DKK4: variants seen among roughly 807,000 people sequenced by gnomAD.
DKK4 encodes dickkopf-related protein 4.
A neutral mutation model predicts 14.5 loss-of-function variants in DKK4; 15 were observed. The ratio of observed to expected loss-of-function variants is 1.03; its 90% CI spans 0.69 to 1.59. The LOEUF is 1.59. Ranked by LOEUF, DKK4 falls within the 40% of genes most tolerant of loss-of-function variation. The pLI is 0.00. For synonymous variants in DKK4, 89 were observed against 105.2 expected, an observed-to-expected ratio of 0.85 and a Z score of 0.94; for missense variants, 272 against 280.3, an observed-to-expected ratio of 0.97 and a Z score of 0.21.
In DKK4 at chr8:42,377,035, G is replaced by T; in HGVS notation, c.11C>A (p.Ala4Asp). 6.2e-7 allele frequency: 1 copy of T among 1,612,558 alleles called. No individual in the cohort carries two copies. Among genetic ancestry groups the T allele is most frequent in the Non-Finnish European group, 8.5e-7 (1 of 1,179,960 alleles). Residue 4 changes from alanine to aspartate, a missense_variant, in exon 1 of 4, where the codon GCC (alanine) becomes GAC (aspartate). Coordinates refer to ENST00000220812, the MANE Select transcript of DKK4 (RefSeq NM_014420.3). The stretch of plus-strand genomic sequence containing the variant: ...GAGCCAGCTCAGCCCCAGCAGGACG[G>T]CCGCCACCATCCTTCAATCCCGGGG... MVA[A>D]VLLGLSWLCS...
chr8:42,375,097 G>T (rs1367406433), intron 2 of DKK4, among the ~76,000 whole-genome samples, 184 bp from the exon 3 acceptor site: 1 of 152,214 alleles, frequency 6.6e-6, no homozygotes, highest in Non-Finnish European at 1.5e-5. Context: ...AAGTAGCTAA[G>T]TGGAAATTGC....
At chr8:42,375,917 G>C in intron 1 of DKK4, 87 bp from the exon 2 acceptor site, 1 of 1,513,728 alleles carries the variant, frequency 6.6e-7, no homozygotes, top group Non-Finnish European at 8.9e-7. Context: ...GGCGGAGGGA[G>C]CCAAAGGACA....
chr8:42,375,495 C>A (rs574750101), intron 2 of DKK4, among the ~76,000 whole-genome samples, 185 bp downstream of exon 2: 30 of 139,638 alleles, frequency 2.1e-4, no homozygotes, highest in African/African-American at 8.0e-4. Flanking sequence ...GAGCTGTGGA[C>A]AACAAGGGCG....
the DKK4 span, among the ~76,000 whole-genome samples, chr8:42,385,869 G>A: frequency 6.6e-6 from 1 of 152,176 alleles, no homozygotes; most frequent in East Asian, 1.9e-4. Context: ...GAAAATTGAA[G>A]TCAGATATCT....
chr8:42,377,340 TCAATAGTTCAAAA>T (rs1824584889), upstream of DKK4: 2 of 332,612 alleles, frequency 6.0e-6, no homozygotes, highest in Admixed American at 4.4e-5. Context: ...ATCTGTTTGA[TCAATAGTTCAAAA>T]CAAGGACTCA....
At chr8:42,376,810 A>C (rs1824572912) in intron 1 of DKK4, 125 bp downstream of exon 1, 3 of 774,268 alleles carry the variant, frequency 3.9e-6, no homozygotes, top group Non-Finnish European at 6.3e-6. Flanking sequence ...CAAATCCGAA[A>C]CCAATTCAAT....
intron 1 of DKK4, 23 bp downstream of exon 1, chr8:42,376,912 G>GC (rs756378890): frequency 2.5e-6 from 4 of 1,596,060 alleles, no homozygotes; most frequent in African/African-American, 1.3e-5. Flanking sequence ...CCCGTACCTC[G>GC]CCCCCCTCCC....
At chr8:42,387,139 G>A in the DKK4 span, among the ~76,000 whole-genome samples, 6 of 152,218 alleles carry the variant, frequency 3.9e-5, no homozygotes, top group African/African-American at 1.4e-4. Context: ...ATCCCTCAAA[G>A]GAAGGCATTG....
chr8:42,384,125 C>T, the DKK4 span, among the ~76,000 whole-genome samples: 2 of 152,050 alleles, frequency 1.3e-5, no homozygotes, highest in Non-Finnish European at 2.9e-5. Context: ...ATCTTTGGAT[C>T]TGAGTCCTAA....
the DKK4 span, among the ~76,000 whole-genome samples, chr8:42,384,318 T>C: frequency 2.0e-5 from 3 of 152,184 alleles, no homozygotes; most frequent in Admixed American, 2.0e-4. Context: ...AATTTTTGTA[T>C]TTTTTGTGGA....
the DKK4 span, among the ~76,000 whole-genome samples, chr8:42,390,293 T>A: frequency 6.7e-6 from 1 of 150,062 alleles, no homozygotes; most frequent in Non-Finnish European, 1.5e-5. Context: ...GTTTTGTTTG[T>A]TTGGTTTTTA....
At chr8:42,382,582 C>T in the DKK4 span, among the ~76,000 whole-genome samples, 1 of 152,198 alleles carries the variant, frequency 6.6e-6, no homozygotes, top group African/African-American at 2.4e-5. Flanking sequence ...CACCTGGAGC[C>T]GTGGCTGTCT....
chr8:42,386,488 G>C, the DKK4 span, among the ~76,000 whole-genome samples: 1 of 151,764 alleles, frequency 6.6e-6, no homozygotes, highest in African/African-American at 2.4e-5. Flanking sequence ...GGGTTCTTTT[G>C]GCTTTGCTTT....
chr8:42,384,352 A>G, the DKK4 span, among the ~76,000 whole-genome samples: 8 of 152,174 alleles, frequency 5.3e-5, no homozygotes, highest in African/African-American at 1.9e-4. Flanking sequence ...TATGTTGCCC[A>G]GGCTGGTCTT....
the DKK4 span, among the ~76,000 whole-genome samples, chr8:42,388,311 C>A: frequency 6.6e-6 from 1 of 152,070 alleles, no homozygotes; most frequent in Non-Finnish European, 1.5e-5. Flanking sequence ...CTCACTGCAA[C>A]CTCTACCTCC....
At chr8:42,378,583 A>G (rs901737449), upstream of DKK4, among the ~76,000 whole-genome samples, 8 of 152,262 alleles carry the variant, frequency 5.3e-5, no homozygotes, top group African/African-American at 1.9e-4. Flanking sequence ...TTCAAGTTGT[A>G]CAATTATGAC....
the DKK4 span, among the ~76,000 whole-genome samples, chr8:42,390,251 C>T: frequency 1.3e-5 from 2 of 152,030 alleles, no homozygotes; most frequent in African/African-American, 4.8e-5. Flanking sequence ...TCAAATTTCC[C>T]CGATTGTCCC....
chr8:42,376,962 G>T lies in DKK4; in HGVS notation c.84C>A (p.Ser28Arg). 6 of 1,613,772 alleles carry T rather than the reference G, an allele frequency of 3.7e-6. No homozygotes were observed. The highest frequency in any genetic ancestry group is 5.1e-6 in the Non-Finnish European group (6 of 1,179,994). Reference sequence around the variant, plus strand: ...TCCGGGCCCCATGCAGGTCAGCAGAGCTCCTGATGTTGTTGAAGTCCAGGA... The same window carrying T: ...TCCGGGCCCCATGCAGGTCAGCAGATCTCCTGATGTTGTTGAAGTCCAGGA... ...ALVLDFNNIR[S>R]SADLHGARKG... The change falls in exon 1 of 4, where the codon AGC (serine) becomes AGA (arginine). Residue 28 changes from serine to arginine, a missense_variant. Coordinates refer to ENST00000220812, the MANE Select transcript of DKK4 (RefSeq NM_014420.3).
At position 42,376,964 on chromosome 8, in the gene DKK4, T is replaced by C. The variant is rs1288791040; in HGVS notation, c.82A>G (p.Ser28Gly). 1.2e-6 allele frequency: 2 copies of C among 1,613,660 alleles called. No homozygotes were observed. The highest frequency in any genetic ancestry group is 2.2e-5 in the South Asian group (2 of 91,062). The change falls in exon 1 of 4, where the codon AGC becomes GGC. Residue 28 changes from serine (S) to glycine (G), a missense_variant. Ser to Gly is a moderately conservative substitution (Grantham distance 56, BLOSUM62 0). Coordinates refer to ENST00000220812, the MANE Select transcript of DKK4 (RefSeq NM_014420.3). ...ALVLDFNNIR[S>G]SADLHGARKG... The stretch of plus-strand genomic sequence containing the variant: ...CGGGCCCCATGCAGGTCAGCAGAGC[T>C]CCTGATGTTGTTGAAGTCCAGGACC...
Sources: allele counts gnomAD v4.1 joint callset (sites outside exome capture counted in the v4.1 genomes callset), GRCh38; gene constraint gnomAD v4.1.1; transcripts MANE v1.5; gene names NCBI Gene and HGNC (gene_info 2026-07-23, HGNC 2026-07-21).